Variants in RAPGEF6 observed in about 807,000 individuals in gnomAD.
RAPGEF6 encodes PDZ domain containing guanine nucleotide exchange factor (GEF) 2.
RAPGEF6 carries 56 observed loss-of-function variants against 171.4 expected under a neutral mutation model. The ratio of observed to expected loss-of-function variants is 0.33; its 90% CI spans 0.26 to 0.41. The LOEUF (loss-of-function observed/expected upper bound fraction) is 0.41. RAPGEF6 is among the 10% of genes least tolerant of loss of function. The pLI, the probability that RAPGEF6 is intolerant of heterozygous loss-of-function variation, is 1.00. For synonymous variants in RAPGEF6, 692 were observed against 650.1 expected, an observed-to-expected ratio of 1.06 and a Z score of -0.98; for missense variants, 1,674 against 1,921.4, an observed-to-expected ratio of 0.87 and a Z score of 2.41.
intron 1 of RAPGEF6, among the ~76,000 whole-genome samples, chr5:131,631,945 A>G (rs989515337): frequency 3.3e-5 from 5 of 151,986 alleles, no homozygotes; most frequent in Admixed American, 1.3e-4. Flanking sequence ...GCGTGTTGGC[A>G]CACACCTGTA....
At chr5:131,522,577 G>A (rs1455793208) in intron 6 of RAPGEF6, among the ~76,000 whole-genome samples, 1 of 152,064 alleles carries the variant, frequency 6.6e-6, no homozygotes, top group African/African-American at 2.4e-5. Context: ...AGTACATCAC[G>A]AACTTCCCCT....
intron 16 of RAPGEF6, among the ~76,000 whole-genome samples, chr5:131,473,504 G>A (rs1754893975): frequency 6.6e-6 from 1 of 151,992 alleles, no homozygotes; most frequent in Non-Finnish European, 1.5e-5. Flanking sequence ...TTACTTTTAA[G>A]CAAAACAGTC....
chr5:131,627,995 TGGCTGTTCCACC>T (rs1363777785), intron 1 of RAPGEF6, among the ~76,000 whole-genome samples: 2 of 152,238 alleles, frequency 1.3e-5, no homozygotes, highest in Non-Finnish European at 2.9e-5. Flanking sequence ...ACTGTTCCAC[TGGCTGTTCCACC>T]TTCTCTATCT....
rs200634775 is a variant in RAPGEF6 at position 131,472,577 on chromosome 5, T to G, written c.2239+10A>C. ...CAATACGGCAATATAAAATCACATA[T>G]GAAAATTACCTGAAGGATTGGAAAA... On this transcript the variant is annotated intron_variant, in intron 17 of 27. Transcript: ENST00000509018. 1 of 1,611,428 alleles carries G rather than the reference T, an allele frequency of 6.2e-7. No individual in the cohort carries two copies. The highest frequency in any genetic ancestry group is 1.1e-5 in the South Asian group (1 of 90,988).
chr5:131,455,008 T>C (rs1365134266), intron 20 of RAPGEF6, among the ~76,000 whole-genome samples: 1 of 152,102 alleles, frequency 6.6e-6, no homozygotes, highest in East Asian at 1.9e-4. Flanking sequence ...CATTTTCAGA[T>C]AAACAAAAAT....
At chr5:131,507,819 G>A (rs1347144634) in intron 9 of RAPGEF6, among the ~76,000 whole-genome samples, 2 of 151,936 alleles carry the variant, frequency 1.3e-5, no homozygotes, top group Non-Finnish European at 2.9e-5. Flanking sequence ...AAAACATTTG[G>A]TTCATTGAAT....
chr5:131,552,615 C>T (rs1760989373), intron 5 of RAPGEF6, among the ~76,000 whole-genome samples: 1 of 152,016 alleles, frequency 6.6e-6, no homozygotes, highest in South Asian at 2.1e-4. Flanking sequence ...CATGCACCAC[C>T]ACGCCTGGCT....
At chr5:131,579,872 C>T (rs572615082) in intron 4 of RAPGEF6, among the ~76,000 whole-genome samples, 16 of 152,154 alleles carry the variant, frequency 1.1e-4, no homozygotes, top group Middle Eastern at 3.4e-3. Flanking sequence ...TATACAATCC[C>T]TGAGCTAGAC....
intron 4 of RAPGEF6, among the ~76,000 whole-genome samples, chr5:131,562,617 A>G (rs1761674333): frequency 6.6e-6 from 1 of 152,228 alleles, no homozygotes; most frequent in Non-Finnish European, 1.5e-5. Context: ...ATTTGCATAT[A>G]ACCTATGTGC....
intron 5 of RAPGEF6, among the ~76,000 whole-genome samples, chr5:131,552,542 C>A (rs550473917): frequency 2.7e-4 from 41 of 151,476 alleles, no homozygotes; most frequent in African/African-American, 1.0e-3. Context: ...CCCACTGCAA[C>A]CTTCACCTCC....
chr5:131,486,694 T>C (rs1755912676), intron 15 of RAPGEF6, among the ~76,000 whole-genome samples: 1 of 151,836 alleles, frequency 6.6e-6, no homozygotes, highest in South Asian at 2.1e-4. Flanking sequence ...GTTTATTCTT[T>C]CCTAATATCC....
At chr5:131,525,805 G>A (rs942498817) in intron 6 of RAPGEF6, among the ~76,000 whole-genome samples, 1 of 152,084 alleles carries the variant, frequency 6.6e-6, no homozygotes, top group African/African-American at 2.4e-5. Flanking sequence ...GAAGACCAAG[G>A]AGAAGAATGT....
chr5:131,498,683 C>A, intron 11 of RAPGEF6, 76 bp from the exon 12 acceptor site: 3 of 1,297,150 alleles, frequency 2.3e-6, no homozygotes, highest in Admixed American at 2.0e-5. Context: ...TTGATTACTC[C>A]GCTTTGTAGC....
intron 1 of RAPGEF6, among the ~76,000 whole-genome samples, chr5:131,609,248 G>C (rs747757083): frequency 3.9e-5 from 6 of 152,152 alleles, no homozygotes; most frequent in Non-Finnish European, 8.8e-5. Flanking sequence ...CCAGCCTCAA[G>C]TATTCTGTTA....
At chr5:131,528,323 A>ATATAT (rs1561538356) in intron 6 of RAPGEF6, among the ~76,000 whole-genome samples, 25 of 109,360 alleles carry the variant, frequency 2.3e-4, no homozygotes, top group Admixed American at 1.3e-3. Flanking sequence ...TTATATATAT[A>ATATAT]TATATATATA....
At chr5:131,460,016 T>C (rs1753805481) in intron 19 of RAPGEF6, among the ~76,000 whole-genome samples, 1 of 152,222 alleles carries the variant, frequency 6.6e-6, no homozygotes, top group African/African-American at 2.4e-5. Context: ...GAAAAGAGTA[T>C]ATTCTTTGAT....
chr5:131,589,875 AC>A (rs1055300668), intron 4 of RAPGEF6, among the ~76,000 whole-genome samples: 1 of 152,106 alleles, frequency 6.6e-6, no homozygotes, highest in Non-Finnish European at 1.5e-5. Flanking sequence ...GCCAGCCTTG[AC>A]CAGACAACTG....
chr5:131,547,958 A>G (rs1581006605), intron 6 of RAPGEF6, 89 bp downstream of exon 6: 2 of 1,395,560 alleles, frequency 1.4e-6, no homozygotes, highest in Non-Finnish European at 2.0e-6. Flanking sequence ...AGAGCCCAGC[A>G]TGTTGATATT....
rs1388578786 is a variant in RAPGEF6, at chr5:131,424,490, C to CT, written c.*2775dup. 1 of 152,198 alleles carries CT rather than the reference C, an allele frequency of 6.6e-6. No homozygotes were observed. Among genetic ancestry groups the CT allele is most frequent in the Non-Finnish European group, 1.5e-5 (1 of 67,992 alleles). 9.4% of individuals were successfully genotyped at this position (152,198 alleles called of 1,614,324 possible). ...TTAAGGAAGCTTTTTCTCCTCCTTCCTTTTTTGTAGAGGAAAGAACACTTG... is the reference window on the plus strand; with the variant it reads ...TTAAGGAAGCTTTTTCTCCTCCTTCCTTTTTTTGTAGAGGAAAGAACACTTG... On this transcript the variant is annotated 3_prime_UTR_variant, in exon 28 of 28. Transcript: ENST00000509018.
Sources: gnomAD v4.1 joint callset for allele counts (sites outside exome capture counted in the v4.1 genomes callset) on GRCh38, gnomAD v4.1.1 for gene constraint, MANE v1.5 for transcripts, NCBI Gene and HGNC (gene_info 2026-07-23, HGNC 2026-07-21) for gene names.